CASK: variants seen among roughly 807,000 people sequenced by gnomAD.
CASK encodes the protein peripheral plasma membrane protein CASK.
In CASK, 4 loss-of-function variants were observed where a neutral mutation model predicts 82.9. That is an observed-to-expected ratio of 0.05 (90% CI 0.02 to 0.11). CASK has a LOEUF of 0.11. CASK is among the 10% of genes least tolerant of loss of function. CASK has a pLI of 1.00. For synonymous variants in CASK, 259 were observed against 253.5 expected (o/e 1.02, Z -0.20); for missense variants, 358 against 720.9 (o/e 0.50, Z 5.76).
chrX:41,729,781 AAT>A (rs55635208), intron 5 of CASK: 7,466 of 38,477 alleles, frequency 0.19, 798 homozygotes, highest in East Asian at 0.29. Context: ...AAAAAAAAAA[AAT>A]ATATATATAT....
At chrX:41,644,626 T>C (rs954274419) in intron 8 of CASK, among the ~76,000 whole-genome samples, 2 of 112,279 alleles carry the variant, frequency 1.8e-5, no homozygotes, top group Non-Finnish European at 3.8e-5. Flanking sequence ...AACCTTAAAC[T>C]CTGACTGCTG....
chrX:41,555,397 A>G (rs2065147643), intron 20 of CASK, among the ~76,000 whole-genome samples: 1 of 112,045 alleles, frequency 8.9e-6, no homozygotes, highest in South Asian at 3.6e-4. Flanking sequence ...AAATTACAAT[A>G]ACCATTACAG....
chrX:41,608,428 C>T (rs1006419464), intron 12 of CASK, among the ~76,000 whole-genome samples: 1 of 112,009 alleles, frequency 8.9e-6, no homozygotes, highest in Non-Finnish European at 1.9e-5. Context: ...GAGCCATGCT[C>T]TGTAGAACAC....
chrX:41,701,770 G>C (rs1427032793), intron 5 of CASK, among the ~76,000 whole-genome samples: 1 of 112,217 alleles, frequency 8.9e-6, no homozygotes, highest in East Asian at 2.8e-4. Flanking sequence ...TCACATGCAA[G>C]GGAATGGGAA....
intron 1 of CASK, among the ~76,000 whole-genome samples, chrX:41,862,532 C>T (rs905027829): frequency 1.9e-4 from 17 of 88,092 alleles, no homozygotes; most frequent in African/African-American, 7.2e-4. Flanking sequence ...CAGAGCAAGG[C>T]TCTGTCTCAG....
intron 5 of CASK, chrX:41,695,421 T>A: frequency 3.7e-6 from 1 of 271,408 alleles, no homozygotes; most frequent in Non-Finnish European, 6.7e-6. Context: ...GTTCAAGCAA[T>A]CCTTCTGCTG....
At chrX:41,737,781 C>T (rs1443479900) in intron 5 of CASK, among the ~76,000 whole-genome samples, 2 of 112,348 alleles carry the variant, frequency 1.8e-5, no homozygotes, top group Non-Finnish European at 3.8e-5. Context: ...AATGCTATTA[C>T]ATGAACACAT....
At chrX:41,672,329 A>G (rs1399027357) in intron 5 of CASK, among the ~76,000 whole-genome samples, 1 of 110,403 alleles carries the variant, frequency 9.1e-6, no homozygotes, top group African/African-American at 3.3e-5. Flanking sequence ...CTCTGCATCT[A>G]TTTCTTACTG....
At chrX:41,826,738 A>C (rs2070675630) in intron 2 of CASK, among the ~76,000 whole-genome samples, 2 of 112,069 alleles carry the variant, frequency 1.8e-5, no homozygotes, top group Admixed American at 9.5e-5. Context: ...CGACTTCCCA[A>C]AGTGCTGGGA....
intron 3 of CASK, among the ~76,000 whole-genome samples, chrX:41,763,451 C>T (rs2069043151): frequency 9.0e-6 from 1 of 110,885 alleles, no homozygotes; most frequent in South Asian, 3.9e-4. Flanking sequence ...CGCTTGAGCC[C>T]AGGAAATTGA....
At chrX:41,910,686 A>G (rs1019023624) in intron 1 of CASK, among the ~76,000 whole-genome samples, 5 of 112,070 alleles carry the variant, frequency 4.5e-5, no homozygotes, top group African/African-American at 1.6e-4. Flanking sequence ...TGGAAGTATG[A>G]TGATCCAGCA....
intron 5 of CASK, among the ~76,000 whole-genome samples, chrX:41,712,689 C>T (rs967575590): frequency 4.4e-5 from 5 of 112,626 alleles, no homozygotes; most frequent in African/African-American, 1.6e-4. Flanking sequence ...CCACCAAGTA[C>T]GGATGAGAGG....
intron 3 of CASK, among the ~76,000 whole-genome samples, chrX:41,775,061 G>A (rs1311129295): frequency 9.2e-6 from 1 of 108,879 alleles, no homozygotes; most frequent in African/African-American, 3.3e-5. Flanking sequence ...AAGAGCTTCT[G>A]CACAGCAAAA....
intron 11 of CASK, among the ~76,000 whole-genome samples, chrX:41,612,305 C>T (rs1310519254): frequency 2.7e-5 from 3 of 109,815 alleles, no homozygotes; most frequent in African/African-American, 9.9e-5. Context: ...AGCGCCTCTG[C>T]CCCGCCGCCC....
rs753922585 is a variant in CASK, at chrX:41,795,250, A to G, written c.173-7967T>C. 4.4e-5 allele frequency among the ~76,000 whole-genome samples: 5 copies of G among 112,591 alleles called. No homozygotes were observed. In the Admixed American group the frequency reaches 4.7e-4, roughly 11 times the overall value. On this transcript the variant is annotated intron_variant, in intron 2 of 26. Coordinates refer to ENST00000378163, the MANE Select transcript of CASK (RefSeq NM_001367721.1). ...GAAAAAGGACCAAGAAAAATGAGTT[A>G]ATTGTTTTGATAAATACTTTGAAAT...
intron 5 of CASK, among the ~76,000 whole-genome samples, chrX:41,681,260 G>A (rs2067349835): frequency 8.9e-6 from 1 of 111,913 alleles, no homozygotes; most frequent in Admixed American, 9.5e-5. Flanking sequence ...TTATTATTTA[G>A]TACTATAAAA....
intron 1 of CASK, among the ~76,000 whole-genome samples, chrX:41,876,585 T>C (rs750206377): frequency 1.8e-5 from 2 of 112,009 alleles, no homozygotes; most frequent in South Asian, 7.4e-4. Flanking sequence ...CTTTAGGCTT[T>C]TAAAAAATAG....
intron 1 of CASK, among the ~76,000 whole-genome samples, chrX:41,921,295 G>A (rs2072776603): frequency 8.9e-6 from 1 of 111,878 alleles, no homozygotes; most frequent in African/African-American, 3.3e-5. Flanking sequence ...GTAGCTTAGT[G>A]TCAGAATTGA....
At chrX:41,733,528 C>T (rs1388055289) in intron 5 of CASK, among the ~76,000 whole-genome samples, 2 of 110,590 alleles carry the variant, frequency 1.8e-5, no homozygotes, top group Non-Finnish European at 1.9e-5. Context: ...GCGGGCAGAT[C>T]ATGAGGTCAG....
Sources: allele counts gnomAD v4.1 joint callset (sites outside exome capture counted in the v4.1 genomes callset), GRCh38; gene constraint gnomAD v4.1.1; transcripts MANE v1.5; gene names NCBI Gene and HGNC (gene_info 2026-07-23, HGNC 2026-07-21).